The following IKBIP variants were observed in gnomAD, a reference collection of about 807,000 sequenced individuals.
The protein encoded by IKBIP is IKBKB interacting protein.
In IKBIP, 28 loss-of-function variants were observed where a neutral mutation model predicts 31.0. That is an observed-to-expected ratio of 0.90 (90% CI 0.67 to 1.24). IKBIP has a LOEUF of 1.24. IKBIP is among the 50% of genes most tolerant of loss of function. The pLI, the probability that IKBIP is intolerant of heterozygous loss-of-function variation, is 0.00. For missense variants in IKBIP, 453 were observed against 441.9 expected, an observed-to-expected ratio of 1.03 and a Z score of -0.23; for synonymous variants, 164 against 160.3, an observed-to-expected ratio of 1.02 and a Z score of -0.17.
At chr12:98,632,916 C>G (rs1387522164) in intron 2 of IKBIP, among the ~76,000 whole-genome samples, 1 of 152,154 alleles carries the variant, frequency 6.6e-6, no homozygotes, top group African/African-American at 2.4e-5. Flanking sequence ...GCATGAGCCA[C>G]TACGCCTGGC....
intron 2 of IKBIP, among the ~76,000 whole-genome samples, chr12:98,631,727 C>A (rs747091799): frequency 2.8e-5 from 4 of 143,862 alleles, no homozygotes; most frequent in African/African-American, 1.0e-4. Flanking sequence ...GAGACAAGAT[C>A]GAGCCATTGT....
At chr12:98,623,229 C>T (rs528209575), downstream of IKBIP, among the ~76,000 whole-genome samples, 31 of 151,116 alleles carry the variant, frequency 2.1e-4, 1 homozygote, top group South Asian at 4.4e-3. Flanking sequence ...CCGCCCACCT[C>T]GGCCTCCCAA....
intron 2 of IKBIP, among the ~76,000 whole-genome samples, chr12:98,632,507 A>T (rs1163741106): frequency 1.6e-5 from 1 of 62,942 alleles, no homozygotes; most frequent in Non-Finnish European, 3.0e-5. Flanking sequence ...AAAAAAAAAA[A>T]AAAAAATATA....
intron 2 of IKBIP, among the ~76,000 whole-genome samples, chr12:98,631,226 G>A (rs1375885590): frequency 1.3e-5 from 2 of 150,914 alleles, no homozygotes; most frequent in African/African-American, 2.4e-5. Context: ...GAGCCACCAC[G>A]CCTGGCCAAG....
chr12:98,635,065 G>A (rs1328689375), intron 1 of IKBIP, among the ~76,000 whole-genome samples: 1 of 149,994 alleles, frequency 6.7e-6, no homozygotes, highest in Non-Finnish European at 1.5e-5. Flanking sequence ...GAGTGCAATG[G>A]CACGATCTCG....
chr12:98,633,554 T>C (rs1381482692), intron 2 of IKBIP, among the ~76,000 whole-genome samples: 1 of 134,644 alleles, frequency 7.4e-6, no homozygotes, highest in South Asian at 2.7e-4. Context: ...CCTCGCTCTA[T>C]AGCCCAGGCT....
Position 98,629,590 on chromosome 12 carries a change from A to G in IKBIP, c.298-2824T>C, listed in dbSNP as rs551500602. Among the ~76,000 whole-genome samples the G allele has an allele frequency of 2.2e-4, 33 of 152,306 alleles. No individual in the cohort carries two copies. The South Asian group carries it at 3.9e-3, about 18-fold the overall frequency. ...ACATACATACACACACACACATTTA[A>G]AGAAAACAAACAAAAAAATCCAAAG... On this transcript the variant is annotated intron_variant, in intron 2 of 2. Coordinates refer to ENST00000299157, the MANE Select transcript of IKBIP (RefSeq NM_153687.4).
intron 1 of IKBIP, among the ~76,000 whole-genome samples, chr12:98,642,673 T>C (rs1336142593): frequency 1.4e-5 from 2 of 144,422 alleles, no homozygotes; most frequent in Non-Finnish European, 3.0e-5. Context: ...CGATTTCGGC[T>C]CACTGCAACC....
intron 2 of IKBIP, 140 bp downstream of exon 2, chr12:98,634,156 C>T: frequency 1.9e-6 from 1 of 537,020 alleles, no homozygotes; most frequent in Non-Finnish European, 3.3e-6. Flanking sequence ...GGGAGAATGT[C>T]AAGAGGTAGG....
intron 1 of IKBIP, among the ~76,000 whole-genome samples, chr12:98,642,338 T>C (rs1028332589): frequency 1.3e-5 from 2 of 151,832 alleles, no homozygotes; most frequent in African/African-American, 4.8e-5. Context: ...TTGGTAGAGA[T>C]AGGGTTTCAC....
intron 1 of IKBIP, among the ~76,000 whole-genome samples, chr12:98,643,199 C>A (rs2097632229): frequency 6.6e-6 from 1 of 152,178 alleles, no homozygotes; most frequent in Admixed American, 6.5e-5. Flanking sequence ...GATCTGCCCA[C>A]CTCGGCCTCC....
chr12:98,633,510 CTTTTTTTTTTTTTT>C (rs71432181), intron 2 of IKBIP, among the ~76,000 whole-genome samples: 5 of 61,372 alleles, frequency 8.1e-5, no homozygotes, highest in Non-Finnish European at 1.4e-4. Context: ...TTTTTTAATT[CTTTTTTTTTTTTTT>C]TTTTTTTTTT....
chr12:98,619,304 A>T (rs985173657), downstream of IKBIP, among the ~76,000 whole-genome samples: 10 of 152,236 alleles, frequency 6.6e-5, no homozygotes, highest in Non-Finnish European at 1.0e-4. Flanking sequence ...ATCATTTATT[A>T]ATGTATCTAC....
Position 98,624,996 on chromosome 12 carries a change from A to G in IKBIP, c.*934T>C, listed in dbSNP as rs562509045. 2.5e-4 allele frequency: 99 copies of G among 401,656 alleles called. 1 individual carries two copies. The highest frequency in any genetic ancestry group is 2.5e-3 in the Middle Eastern group (2 of 800). 24.9% of individuals were successfully genotyped at this position (401,656 alleles called of 1,614,324 possible). On this transcript the variant is annotated 3_prime_UTR_variant, in exon 3 of 3. Transcript: ENST00000299157. ...ATTTTTTGTATTTTTTAGTAGAGACAGGGTTTCACCCTGTTAGCCAGATGG... is the reference window on the plus strand; with the variant it reads ...ATTTTTTGTATTTTTTAGTAGAGACGGGGTTTCACCCTGTTAGCCAGATGG...
At chr12:98,642,910 T>C (rs1423338478) in intron 1 of IKBIP, among the ~76,000 whole-genome samples, 1 of 151,714 alleles carries the variant, frequency 6.6e-6, no homozygotes, top group Non-Finnish European at 1.5e-5. Flanking sequence ...GACAATTCTA[T>C]TGTTTTTGAA....
At position 98,626,343 on chromosome 12, in the gene IKBIP, A is replaced by T; in HGVS notation, c.721T>A (p.Leu241Ile). The change falls in exon 3 of 3, where the codon TTA (leucine) becomes ATA (isoleucine). Residue 241 changes from leucine (L) to isoleucine (I), a missense_variant. Physicochemically the swap from Leu to Ile is conservative, Grantham distance 5. Transcript: ENST00000299157. ...LGSDTKAIEK[L>I]EEEQHALFAR... ...AAGAGGGCATGCTGTTCCTCTTCTA[A>T]CTTTTCAATTGCCTTTGTATCAGAG... 6.2e-7 allele frequency: 1 copy of T among 1,614,078 alleles called. No homozygotes were observed. The highest frequency in any genetic ancestry group is 1.1e-5 in the South Asian group (1 of 91,084).
At position 98,625,660 on chromosome 12, in the gene IKBIP, G is replaced by T; in HGVS notation, c.*270C>A. 1 of 196,498 alleles carries T rather than the reference G, an allele frequency of 5.1e-6. No homozygotes were observed. The highest frequency in any genetic ancestry group is 1.0e-5 in the Non-Finnish European group (1 of 98,348). 12.2% of individuals were successfully genotyped at this position (196,498 alleles called of 1,614,324 possible). ...GAAATTAATGATGATGTTCATTAAT[G>T]CTTTAAAAAACATTAAAAATATTAA... is the stretch of plus-strand genomic sequence containing the variant. On this transcript the variant is annotated 3_prime_UTR_variant, in exon 3 of 3. Transcript: ENST00000299157.
intron 1 of IKBIP, among the ~76,000 whole-genome samples, chr12:98,634,798 C>T (rs905509760): frequency 2.0e-5 from 3 of 151,774 alleles, no homozygotes; most frequent in African/African-American, 7.3e-5. Flanking sequence ...CAAGCTCCGC[C>T]TCCTGGGTTC....
chr12:98,619,496 A>G (rs1472109055), downstream of IKBIP, among the ~76,000 whole-genome samples: 1 of 152,250 alleles, frequency 6.6e-6, no homozygotes, highest in African/African-American at 2.4e-5. Flanking sequence ...TATAAGCTCA[A>G]TACAGTGTGG....
Sources: gnomAD v4.1 joint callset for allele counts (sites outside exome capture counted in the v4.1 genomes callset) on GRCh38, gnomAD v4.1.1 for gene constraint, MANE v1.5 for transcripts, NCBI Gene and HGNC (gene_info 2026-07-23, HGNC 2026-07-21) for gene names.